The following SLC36A1 variants were observed in gnomAD, a reference collection of about 807,000 sequenced individuals.
SLC36A1 encodes the protein proton-coupled amino acid transporter 1.
SLC36A1 carries 30 observed loss-of-function variants against 47.5 expected under a neutral mutation model. That is an observed-to-expected ratio of 0.63 (90% CI 0.47 to 0.86). The LOEUF (loss-of-function observed/expected upper bound fraction) is 0.86, where lower values mean the gene tolerates loss of function less well. Ranked by LOEUF, SLC36A1 falls within the 40% of genes least tolerant of loss-of-function variation. The pLI is 0.00. For missense variants in SLC36A1, 517 were observed against 606.0 expected, an observed-to-expected ratio of 0.85 and a Z score of 1.54; for synonymous variants, 255 against 249.7, an observed-to-expected ratio of 1.02 and a Z score of -0.20.
At chr5:151,471,877 A>G (rs1757356569) in intron 7 of SLC36A1, among the ~76,000 whole-genome samples, 1 of 152,216 alleles carries the variant, frequency 6.6e-6, no homozygotes, top group Admixed American at 6.5e-5. Flanking sequence ...CAATTTTAAA[A>G]CATTGTAAAA....
the SLC36A1 span, among the ~76,000 whole-genome samples, chr5:151,390,738 A>G: frequency 6.6e-6 from 1 of 152,184 alleles, no homozygotes; most frequent in Non-Finnish European, 1.5e-5. Flanking sequence ...ATTATTACTC[A>G]GGGCTCTGTT....
the SLC36A1 span, chr5:151,543,208 G>A: frequency 1.2e-6 from 2 of 1,614,082 alleles, no homozygotes; most frequent in African/African-American, 2.7e-5. Flanking sequence ...GACCACACCA[G>A]TGACTGGGTT....
chr5:151,347,467 T>C, the SLC36A1 span: 1 of 1,613,692 alleles, frequency 6.2e-7, no homozygotes, highest in Non-Finnish European at 8.5e-7. Flanking sequence ...ACATGACTGC[T>C]TAAGAAACAA....
chr5:151,509,873 G>C, the SLC36A1 span: 1 of 888,488 alleles, frequency 1.1e-6, no homozygotes, highest in South Asian at 2.0e-5. Context: ...AAAAGGTTGG[G>C]GACCACTGCC....
rs199863918 is a variant in SLC36A1 at position 151,488,038 on chromosome 5, C to T, written c.1215C>T (p.Ser405=). Residue 405 remains serine (S), a synonymous_variant, in exon 11 of 11, where the codon TCC becomes TCT. Transcript: ENST00000243389. Reference sequence around the variant, plus strand: ...ACCTGGTCATCTCCCTGGTGGGCTCCGTGAGCAGCAGCGCCCTGGCCCTCA... The same window carrying T: ...ACCTGGTCATCTCCCTGGTGGGCTCTGTGAGCAGCAGCGCCCTGGCCCTCA... ...RLDLVISLVG[S]VSSSALALII... 1.2e-4 allele frequency: 189 copies of T among 1,614,122 alleles called. No homozygotes were observed. In the East Asian group the frequency reaches 2.2e-3, roughly 19 times the overall value.
At chr5:151,494,059 C>T (rs561009004), downstream of SLC36A1, among the ~76,000 whole-genome samples, 3 of 152,198 alleles carry the variant, frequency 2.0e-5, no homozygotes, top group South Asian at 6.2e-4. Flanking sequence ...CACATTTATA[C>T]CTAATGGCTG....
chr5:151,546,377 C>T, the SLC36A1 span: 6 of 1,490,232 alleles, frequency 4.0e-6, no homozygotes, highest in Middle Eastern at 1.7e-4. Context: ...GCCACACCCT[C>T]GACAGGTATC....
Position 151,491,512 on chromosome 5 carries a change from T to G in SLC36A1, c.*3258T>G, listed in dbSNP as rs1760116303. The G allele has an allele frequency of 9.3e-6, 1 of 107,142 alleles. No individual in the cohort carries two copies. The highest frequency in any genetic ancestry group is 7.0e-5 in the African/African-American group (1 of 14,234). 6.6% of individuals were successfully genotyped at this position (107,142 alleles called of 1,614,324 possible). ...AAAATCATGTTTCTTCTCTCTCATC[T>G]TACTTTTTCTTCTCAGATTTCTCCC... On this transcript the variant is annotated 3_prime_UTR_variant, in exon 11 of 11. Transcript: ENST00000243389.
the SLC36A1 span, among the ~76,000 whole-genome samples, chr5:151,550,027 G>A: frequency 2.4e-3 from 358 of 152,304 alleles, 2 homozygotes; most frequent in African/African-American, 8.0e-3. Context: ...CTGTATGACA[G>A]TGAGGAAGTC....
At chr5:151,521,067 C>G in the SLC36A1 span, among the ~76,000 whole-genome samples, 1 of 152,190 alleles carries the variant, frequency 6.6e-6, no homozygotes, top group Non-Finnish European at 1.5e-5. Flanking sequence ...CTGTTATTTT[C>G]TAAATCTCGA....
the SLC36A1 span, chr5:151,550,547 C>G: frequency 6.2e-7 from 1 of 1,602,518 alleles, no homozygotes; most frequent in Admixed American, 1.7e-5. Context: ...CCCTACACAT[C>G]TACATGCAAA....
chr5:151,524,923 C>A, the SLC36A1 span, among the ~76,000 whole-genome samples: 3 of 152,246 alleles, frequency 2.0e-5, no homozygotes, highest in Non-Finnish European at 4.4e-5. Context: ...ATGAGTCTCT[C>A]ATCACTTTAC....
chr5:151,410,121 G>C, the SLC36A1 span, among the ~76,000 whole-genome samples: 1 of 152,162 alleles, frequency 6.6e-6, no homozygotes, highest in African/African-American at 2.4e-5. Context: ...GTTTGAAATG[G>C]TGGAGCTGTA....
chr5:151,385,005 A>T, the SLC36A1 span, among the ~76,000 whole-genome samples: 2 of 95,712 alleles, frequency 2.1e-5, no homozygotes, highest in Non-Finnish European at 4.1e-5. Context: ...AGAGAGAGAG[A>T]GAGAGTGTGT....
the SLC36A1 span, among the ~76,000 whole-genome samples, chr5:151,498,814 T>C: frequency 6.6e-6 from 1 of 152,188 alleles, no homozygotes; most frequent in Admixed American, 6.5e-5. Flanking sequence ...CCAGCTCAGA[T>C]GGCTGGGCCC....
the SLC36A1 span, among the ~76,000 whole-genome samples, chr5:151,359,476 T>G: frequency 1.3e-5 from 2 of 152,218 alleles, no homozygotes; most frequent in South Asian, 2.1e-4. Context: ...AGAGGGGACA[T>G]TCCATTATTT....
At chr5:151,531,987 G>A in the SLC36A1 span, 6 of 1,613,118 alleles carry the variant, frequency 3.7e-6, no homozygotes, top group Non-Finnish European at 5.1e-6. The surrounding 1 kb of genome is among the most constrained non-coding windows in gnomAD (Gnocchi z 5.7). Flanking sequence ...GGGAGACCAA[G>A]GGTGTGATCC....
chr5:151,546,232 G>T, the SLC36A1 span: 256 of 1,614,038 alleles, frequency 1.6e-4, no homozygotes, highest in Non-Finnish European at 2.1e-4. Flanking sequence ...TTGATCTTCT[G>T]CCTTCACTGT....
Position 151,476,672 on chromosome 5 carries a change from T to G in SLC36A1, c.905T>G (p.Leu302Arg). The G allele has an allele frequency of 6.2e-7, 1 of 1,613,726 alleles. No homozygotes were observed. Among genetic ancestry groups the G allele is most frequent in the Non-Finnish European group, 8.5e-7 (1 of 1,179,802 alleles). Reference protein sequence around the residue: ...LYLGMVIVTILYISLGCLGYL... With the variant: ...LYLGMVIVTIRYISLGCLGYL... ...CTGGGCATGGTCATCGTCACCATCCTCTACATCAGCCTGGGGTGTCTGGGG... is the reference window on the plus strand; with the variant it reads ...CTGGGCATGGTCATCGTCACCATCCGCTACATCAGCCTGGGGTGTCTGGGG... Residue 302 changes from leucine to arginine, a missense_variant, in exon 9 of 11, where the codon CTC (leucine) becomes CGC (arginine). Coordinates refer to ENST00000243389, the MANE Select transcript of SLC36A1 (RefSeq NM_078483.4).
Sources: gnomAD v4.1 joint callset for allele counts (sites outside exome capture counted in the v4.1 genomes callset) on GRCh38, gnomAD v4.1.1 for gene constraint, Gnocchi (gnomAD v3.1) non-coding constraint, MANE v1.5 for transcripts, NCBI Gene and HGNC (gene_info 2026-07-23, HGNC 2026-07-21) for gene names.